MAP2K1: variants seen among roughly 807,000 people sequenced by gnomAD.
MAP2K1 encodes mitogen-activated protein kinase kinase 1.
Under a neutral mutation model 46.3 loss-of-function variants are expected in MAP2K1, and 16 were observed. That is an observed-to-expected ratio of 0.35 (90% CI 0.23 to 0.52). The LOEUF (loss-of-function observed/expected upper bound fraction) is 0.52. Among genes scored for constraint, MAP2K1 ranks in the 20% least tolerant of loss-of-function variants. The pLI is 0.94. For missense variants in MAP2K1, 263 were observed against 497.1 expected, an observed-to-expected ratio of 0.53 and a Z score of 4.48; for synonymous variants, 183 against 185.6, an observed-to-expected ratio of 0.99 and a Z score of 0.11.
In MAP2K1 at chr15:66,389,102, C is replaced by A. The variant is rs1248117768; in HGVS notation, c.80+1675C>A. Among the ~76,000 whole-genome samples, 10 of 151,914 alleles carry A rather than the reference C, an allele frequency of 6.6e-5. No individual in the cohort carries two copies. The East Asian group carries it at 1.9e-3, about 30-fold the overall frequency. On this transcript the variant is annotated intron_variant, in intron 1 of 10. Transcript: ENST00000307102. ...TGTATTTTTAGTAGAGATGGGGTTT[C>A]TCCAAGTTGTTCAGGCTGGTGGCAA...
intron 1 of MAP2K1, among the ~76,000 whole-genome samples, chr15:66,415,867 G>T (rs1016067275): frequency 6.6e-6 from 1 of 152,184 alleles, no homozygotes; most frequent in African/African-American, 2.4e-5. Flanking sequence ...CTGAGGGAAG[G>T]TGGAACATAG....
intron 5 of MAP2K1, among the ~76,000 whole-genome samples, chr15:66,476,785 G>C (rs892674044): frequency 1.3e-5 from 2 of 152,200 alleles, no homozygotes; most frequent in Admixed American, 6.5e-5. Flanking sequence ...GAAGATGCTG[G>C]AGACAGGAAC....
At chr15:66,440,331 A>G (rs550469597) in intron 3 of MAP2K1, among the ~76,000 whole-genome samples, 2 of 152,134 alleles carry the variant, frequency 1.3e-5, no homozygotes, top group East Asian at 1.9e-4. Flanking sequence ...GGCTCAAGCA[A>G]TCTGCCTGTC....
chr15:66,392,279 T>TTTTTTA (rs1555412519), intron 1 of MAP2K1, among the ~76,000 whole-genome samples: 3 of 133,454 alleles, frequency 2.2e-5, no homozygotes, highest in South Asian at 2.4e-4. Flanking sequence ...TTTTTTTTTT[T>TTTTTTA]AAGAAAGGGT....
intron 5 of MAP2K1, among the ~76,000 whole-genome samples, chr15:66,457,738 G>C (rs1252467105): frequency 6.6e-6 from 1 of 151,982 alleles, no homozygotes; most frequent in Admixed American, 6.6e-5. Context: ...AAGGCGGGTG[G>C]ATCACCTCAG....
intron 5 of MAP2K1, among the ~76,000 whole-genome samples, chr15:66,447,833 C>T (rs1891913339): frequency 6.6e-6 from 1 of 152,008 alleles, no homozygotes; most frequent in Non-Finnish European, 1.5e-5. Context: ...CTTTTTTCAT[C>T]TTACAGACCT....
At chr15:66,446,702 G>A (rs1257053330) in intron 5 of MAP2K1, 1 of 376,074 alleles carries the variant, frequency 2.7e-6, no homozygotes, top group Non-Finnish European at 5.7e-6. Context: ...TCAATTTTAG[G>A]AAGAACTGCC....
At chr15:66,400,590 AT>A (rs1379310638) in intron 1 of MAP2K1, among the ~76,000 whole-genome samples, 1 of 151,998 alleles carries the variant, frequency 6.6e-6, no homozygotes, top group African/African-American at 2.4e-5. Flanking sequence ...CTGCAACTTG[AT>A]TGTGTTTTTA....
intron 2 of MAP2K1, among the ~76,000 whole-genome samples, chr15:66,436,275 G>A (rs548911874): frequency 6.6e-6 from 1 of 152,158 alleles, no homozygotes; most frequent in Non-Finnish European, 1.5e-5. Flanking sequence ...CTCCCCAGCT[G>A]GAACAAGGGA....
rs541286086 is a variant in MAP2K1 at position 66,394,560 on chromosome 15, ATCC to A, written c.80+7138_80+7140del. 1.4e-3 allele frequency among the ~76,000 whole-genome samples: 210 copies of A among 151,342 alleles called. 1 individual carries two copies. Among genetic ancestry groups the A allele is most frequent in the African/African-American group, 4.9e-3 (201 of 41,218 alleles). ...AACCTTGAACTCCTGGGTTCAGGGAATCCTCCTGCTTCAGCCTCCTAAGTAGCT... is the reference window on the plus strand; with the variant it reads ...AACCTTGAACTCCTGGGTTCAGGGAATCCTGCTTCAGCCTCCTAAGTAGCT... On this transcript the variant is annotated intron_variant, in intron 1 of 10. Coordinates refer to ENST00000307102, the MANE Select transcript of MAP2K1 (RefSeq NM_002755.4).
intron 7 of MAP2K1, among the ~76,000 whole-genome samples, chr15:66,485,459 TTTA>T (rs1471118334): frequency 2.0e-5 from 3 of 152,204 alleles, no homozygotes; most frequent in Admixed American, 6.5e-5. Context: ...ATTTATTATT[TTTA>T]TTATTAAGGG....
chr15:66,436,683 T>C (rs2140582793), intron 2 of MAP2K1, 63 bp from the exon 3 acceptor site: 1 of 1,487,264 alleles, frequency 6.7e-7, no homozygotes, highest in Middle Eastern at 2.0e-4. Context: ...AACAAGACTA[T>C]ATCTTTCATC....
At chr15:66,398,618 C>G (rs1194030690) in intron 1 of MAP2K1, among the ~76,000 whole-genome samples, 1 of 151,678 alleles carries the variant, frequency 6.6e-6, no homozygotes, top group African/African-American at 2.4e-5. Flanking sequence ...TACCACTGCA[C>G]ACCAGCCTGG....
chr15:66,473,504 A>G (rs1357780602), intron 5 of MAP2K1, among the ~76,000 whole-genome samples: 3 of 152,106 alleles, frequency 2.0e-5, no homozygotes, highest in East Asian at 1.9e-4. Flanking sequence ...AGCCATGATC[A>G]TATTACTGCA....
At chr15:66,468,332 G>C (rs992594939) in intron 5 of MAP2K1, among the ~76,000 whole-genome samples, 12 of 151,890 alleles carry the variant, frequency 7.9e-5, no homozygotes, top group African/African-American at 2.9e-4. Flanking sequence ...CATTATGCTT[G>C]GCAGTTGTCA....
In MAP2K1 at chr15:66,420,713, A is replaced by ATATATATATATATG. The variant is rs1468784909; in HGVS notation, c.81-14305_81-14304insATATGTATATATAT. ...CCTAATACTTACTCTTGGCATATATATATATATATGTGTGTGTGTGTGTGT... is the reference window on the plus strand; with the variant it reads ...CCTAATACTTACTCTTGGCATATATATATATATATATATGTATATATATGTGTGTGTGTGTGTGT... On this transcript the variant is annotated intron_variant, in intron 1 of 10. Coordinates refer to ENST00000307102, the MANE Select transcript of MAP2K1 (RefSeq NM_002755.4). 1.6e-3 allele frequency among the ~76,000 whole-genome samples: 48 copies of ATATATATATATATG among 30,452 alleles called. 5 individuals are homozygous for ATATATATATATATG. The highest frequency in any genetic ancestry group is 5.2e-3 in the African/African-American group (46 of 8,824). 20.0% of individuals were successfully genotyped at this position (30,452 alleles called of 152,430 possible).
At chr15:66,404,425 T>C (rs1032889794) in intron 1 of MAP2K1, among the ~76,000 whole-genome samples, 6 of 152,222 alleles carry the variant, frequency 3.9e-5, no homozygotes, top group African/African-American at 1.4e-4. Context: ...ATTTAGAGAT[T>C]GCAACACTTC....
chr15:66,395,711 G>T (rs2093366054), intron 1 of MAP2K1, among the ~76,000 whole-genome samples: 1 of 151,726 alleles, frequency 6.6e-6, no homozygotes, highest in Non-Finnish European at 1.5e-5. Context: ...CGAGTAGCTG[G>T]GATTACAGGC....
intron 1 of MAP2K1, among the ~76,000 whole-genome samples, chr15:66,408,562 T>A (rs1388209631): frequency 6.6e-6 from 1 of 151,826 alleles, no homozygotes; most frequent in African/African-American, 2.4e-5. Context: ...TATGGGGTTG[T>A]GTTGGGCGGG....
Sources: gnomAD v4.1 joint callset for allele counts (sites outside exome capture counted in the v4.1 genomes callset) on GRCh38, gnomAD v4.1.1 for gene constraint, MANE v1.5 for transcripts, NCBI Gene and HGNC (gene_info 2026-07-23, HGNC 2026-07-21) for gene names.